PGAP3: variants seen among roughly 807,000 people sequenced by gnomAD.
PGAP3 encodes the protein GPI-specific phospholipase A2-like PGAP3.
In PGAP3, 31 loss-of-function variants were observed where a neutral mutation model predicts 40.3. That is an observed-to-expected ratio of 0.77 (90% CI 0.58 to 1.04). The LOEUF (loss-of-function observed/expected upper bound fraction) is 1.04. Ranked by LOEUF, PGAP3 falls within the 50% of genes least tolerant of loss-of-function variation. The probability of loss-of-function intolerance (pLI) is 0.00; values close to 1 mark genes in which losing one functional copy is unlikely to be tolerated. For synonymous variants in PGAP3, 191 were observed against 184.5 expected (o/e 1.04, Z -0.29); for missense variants, 413 against 423.0 (o/e 0.98, Z 0.21).
chr17:39,684,928 T>A, intron 2 of PGAP3, 179 bp from the exon 3 acceptor site: 1 of 696,710 alleles, frequency 1.4e-6, no homozygotes, highest in Non-Finnish European at 2.3e-6. Flanking sequence ...AGTGCCTAGT[T>A]AAGAGTTATA....
chr17:39,673,244 C>T lies in PGAP3; in HGVS notation c.706G>A (p.Val236Met), dbSNP rs778537707. The T allele has an allele frequency of 1.9e-5, 29 of 1,559,836 alleles. No homozygotes were observed. Among genetic ancestry groups the T allele is most frequent in the South Asian group, 2.3e-5 (2 of 85,322 alleles). ...VANVAIGLVN[V>M]VWWLAWCLWN... The stretch of plus-strand genomic sequence containing the variant: ...AGGCACCAGGCCAGCCACCACACCA[C>T]GTTGACCAGGCCTGGGTGCCAGTGG... Residue 236 changes from valine to methionine, a missense_variant, in exon 7 of 8, where the codon GTG becomes ATG. By Grantham distance (21) the Val-to-Met change is conservative. Transcript: ENST00000300658.
chr17:39,674,672 A>AG lies in PGAP3; in HGVS notation c.439dup (p.Leu147ProfsTer16), dbSNP rs869312815. On this transcript the variant is annotated frameshift_variant, in exon 4 of 8. Transcript: ENST00000300658. LOFTEE classifies it high-confidence loss of function. The stretch of plus-strand genomic sequence containing the variant: ...AACTGTGGACCAGAACCATGCATTG[A>AG]GGGACACCTAAGGAGGGAGGGGCTG... The AG allele has an allele frequency of 2.3e-5, 35 of 1,550,932 alleles. No homozygotes were observed. The highest frequency in any genetic ancestry group is 3.1e-5 in the Non-Finnish European group (35 of 1,146,498).
intron 1 of PGAP3, 146 bp downstream of exon 1, chr17:39,687,688 A>C: frequency 1.9e-6 from 1 of 523,878 alleles, no homozygotes. Flanking sequence ...GAGGCTGGTA[A>C]GGCTCTCATC....
chr17:39,676,612 AC>A (rs1436523504), intron 3 of PGAP3: 1 of 151,626 alleles, frequency 6.6e-6, no homozygotes, highest in African/African-American at 2.4e-5. Context: ...TCCTCTTCTC[AC>A]CCTTTCCTCA....
intron 3 of PGAP3, among the ~76,000 whole-genome samples, chr17:39,681,502 C>A (rs2057439660): frequency 6.6e-6 from 1 of 152,054 alleles, no homozygotes; most frequent in African/African-American, 2.4e-5. Flanking sequence ...GCCACATAAT[C>A]AAACTGAAAC....
intron 3 of PGAP3, among the ~76,000 whole-genome samples, chr17:39,676,452 T>C (rs1315756185): frequency 6.6e-6 from 1 of 152,010 alleles, no homozygotes; most frequent in Non-Finnish European, 1.5e-5. Flanking sequence ...GGCAAACATA[T>C]GCGTAGGGCC....
At chr17:39,686,174 G>A (rs2057512717) in intron 1 of PGAP3, among the ~76,000 whole-genome samples, 155 bp from the exon 2 acceptor site, 1 of 152,220 alleles carries the variant, frequency 6.6e-6, no homozygotes, top group South Asian at 2.1e-4. Flanking sequence ...TTGAATGAAT[G>A]AGAGATGATG....
At chr17:39,685,020 T>C (rs2057491298) in intron 2 of PGAP3, 1 of 358,924 alleles carries the variant, frequency 2.8e-6, no homozygotes, top group African/African-American at 2.1e-5. Flanking sequence ...TGACTCAGTA[T>C]GGCCTGGTGG....
In PGAP3 at chr17:39,672,449, T is replaced by C; in HGVS notation, c.*354A>G. Reference sequence around the variant, plus strand: ...CTGGTCTCCCAGGTAGACAGAGGGCTTCAGGACCCAGCCAGGCAGCTGGGG... The same window carrying C: ...CTGGTCTCCCAGGTAGACAGAGGGCCTCAGGACCCAGCCAGGCAGCTGGGG... On this transcript the variant is annotated 3_prime_UTR_variant, in exon 8 of 8. Coordinates refer to ENST00000300658, the MANE Select transcript of PGAP3 (RefSeq NM_033419.5). 2.7e-6 allele frequency: 1 copy of C among 366,292 alleles called. No individual in the cohort carries two copies. The highest frequency in any genetic ancestry group is 5.1e-6 in the Non-Finnish European group (1 of 195,386). 22.7% of individuals were successfully genotyped at this position (366,292 alleles called of 1,614,324 possible). A position where few individuals can be genotyped will look rare whatever the true frequency, so the allele number is the denominator to read the frequency against.
Position 39,687,933 on chromosome 17 carries a change from C to A in PGAP3, c.82G>T (p.Val28Leu). The A allele has an allele frequency of 6.7e-7, 1 of 1,493,894 alleles. No homozygotes were observed. Among genetic ancestry groups the A allele is most frequent in the Non-Finnish European group, 9.0e-7 (1 of 1,109,092 alleles). 92.5% of individuals were successfully genotyped at this position (1,493,894 alleles called of 1,614,324 possible). Residue 28 changes from valine to leucine, a missense_variant, in exon 1 of 8, where the codon GTG (valine) becomes TTG (leucine). Physicochemically the swap from Val to Leu is conservative, Grantham distance 32 (BLOSUM62 1). Coordinates refer to ENST00000300658, the MANE Select transcript of PGAP3 (RefSeq NM_033419.5). ...CACTGCAGTACGCAGTCGCGGTACACCGGCTCACGGTCGCCCTGGGAGCCG... is the reference window on the plus strand; with the variant it reads ...CACTGCAGTACGCAGTCGCGGTACAACGGCTCACGGTCGCCCTGGGAGCCG... ...ASGSQGDREP[V>L]YRDCVLQCEE...
chr17:39,673,877 G>A, intron 5 of PGAP3, 116 bp downstream of exon 5: 1 of 1,328,168 alleles, frequency 7.5e-7, no homozygotes, highest in Admixed American at 2.0e-5. Flanking sequence ...TGTGTTGGGG[G>A]TTGGGGGGCG....
At chr17:39,680,277 C>T (rs142482148) in intron 3 of PGAP3, among the ~76,000 whole-genome samples, 27 of 152,290 alleles carry the variant, frequency 1.8e-4, no homozygotes, top group East Asian at 1.7e-3. Context: ...GCATTTTGGG[C>T]AAGTTTTTTT....
At chr17:39,675,032 T>C (rs575472680) in intron 3 of PGAP3, among the ~76,000 whole-genome samples, 89 of 96,678 alleles carry the variant, frequency 9.2e-4, no homozygotes, top group African/African-American at 2.7e-3. Context: ...CCGGCAGGTG[T>C]TGACAGCACC....
rs544982301 is a variant in PGAP3 at position 39,685,915 on chromosome 17, A to C, written c.279+7T>G. 9 of 1,611,646 alleles carry C rather than the reference A, an allele frequency of 5.6e-6. No individual in the cohort carries two copies. The African/African-American group carries it at 1.2e-4, about 21-fold the overall frequency. On this transcript the variant is annotated splice_region_variant and intron_variant, in intron 2 of 7. Coordinates refer to ENST00000300658, the MANE Select transcript of PGAP3 (RefSeq NM_033419.5). ...TACCATATGCCTACCCTGACCCTCCAACTCACCTTGCCATGGAACTGAGGC... is the reference window on the plus strand; with the variant it reads ...TACCATATGCCTACCCTGACCCTCCCACTCACCTTGCCATGGAACTGAGGC...
rs183101265 is a variant in PGAP3, at chr17:39,678,616, C to T, written c.433-3937G>A. 2.0e-4 allele frequency among the ~76,000 whole-genome samples: 30 copies of T among 152,296 alleles called. No homozygotes were observed. The East Asian group carries it at 4.8e-3, about 25-fold the overall frequency. Reference sequence around the variant, plus strand: ...CCTTCCCCCAAGACTTAGCCCGGAGCGGGTGAGGGACCTTGCCTTCCTATC... The same window carrying T: ...CCTTCCCCCAAGACTTAGCCCGGAGTGGGTGAGGGACCTTGCCTTCCTATC... On this transcript the variant is annotated intron_variant, in intron 3 of 7. Coordinates refer to ENST00000300658, the MANE Select transcript of PGAP3 (RefSeq NM_033419.5).
rs754771686 is a variant in PGAP3, at chr17:39,674,717, C to T, written c.433-38G>A. 5 of 1,528,150 alleles carry T rather than the reference C, an allele frequency of 3.3e-6. No homozygotes were observed. In the South Asian group the frequency reaches 6.0e-5, roughly 18 times the overall value. The allele number at this position is 1,528,150 out of a possible 1,614,324, so 94.7% of individuals were successfully genotyped here. A position where few individuals can be genotyped will look rare whatever the true frequency, so the allele number is the denominator to read the frequency against. The stretch of plus-strand genomic sequence containing the variant: ...GGGCTGGTGAGCATGCTGCCCCCCA[C>T]CCTGACCTCAAGGCAGGGACCCCCA... On this transcript the variant is annotated intron_variant, in intron 3 of 7. Coordinates refer to ENST00000300658, the MANE Select transcript of PGAP3 (RefSeq NM_033419.5).
chr17:39,683,440 C>T (rs747120821), intron 3 of PGAP3, among the ~76,000 whole-genome samples: 1 of 152,188 alleles, frequency 6.6e-6, no homozygotes, highest in East Asian at 1.9e-4. Flanking sequence ...CACCTCTCCC[C>T]GACTGCACTT....
intron 3 of PGAP3, among the ~76,000 whole-genome samples, chr17:39,684,187 G>A (rs1490273385): frequency 6.9e-6 from 1 of 145,676 alleles, no homozygotes; most frequent in Non-Finnish European, 1.5e-5. Context: ...GACTATGGCT[G>A]TGACTCCCCA....
intron 5 of PGAP3, 148 bp downstream of exon 5, chr17:39,673,845 A>T: frequency 1.7e-6 from 2 of 1,210,288 alleles, no homozygotes; most frequent in Non-Finnish European, 2.3e-6. Context: ...CCTACCCCAG[A>T]GTCCTCACCC....
Sources: allele counts gnomAD v4.1 joint callset (sites outside exome capture counted in the v4.1 genomes callset), GRCh38; gene constraint gnomAD v4.1.1; transcripts MANE v1.5; gene names NCBI Gene and HGNC (gene_info 2026-07-23, HGNC 2026-07-21).